CCDC30: variants seen among roughly 807,000 people sequenced by gnomAD.
CCDC30 encodes coiled-coil domain containing 30.
A neutral mutation model predicts 100.2 loss-of-function variants in CCDC30; 70 were observed. The ratio of observed to expected loss-of-function variants is 0.70; its 90% confidence interval spans 0.58 to 0.85. The LOEUF is 0.85. Ranked by LOEUF, CCDC30 falls within the 40% of genes least tolerant of loss-of-function variation. The pLI is 0.00. For missense variants in CCDC30, 652 were observed against 771.2 expected (o/e 0.85, Z 1.83); for synonymous variants, 233 against 269.5 (o/e 0.86, Z 1.33).
At chr1:42,513,589 AT>A (rs1027313635) in intron 6 of CCDC30, among the ~76,000 whole-genome samples, 3 of 152,112 alleles carry the variant, frequency 2.0e-5, no homozygotes, top group African/African-American at 7.2e-5. Flanking sequence ...TTGCTTGTCT[AT>A]GTCTGCAGCT....
chr1:42,642,649 G>C, intron 13 of CCDC30, 40 bp downstream of exon 17: 1 of 1,447,192 alleles, frequency 6.9e-7, no homozygotes, highest in Non-Finnish European at 9.2e-7. Flanking sequence ...AACTCCACAA[G>C]AGGATGTTTC....
intron 1 of CCDC30, among the ~76,000 whole-genome samples, chr1:42,471,323 C>T (rs2050449): frequency 5.3e-5 from 8 of 152,174 alleles, no homozygotes; most frequent in Admixed American, 3.9e-4. Context: ...GGGGATTATG[C>T]TGTTGGGCAA....
At chr1:42,477,011 CATGATTTAA>C (rs1288070204) in intron 1 of CCDC30, among the ~76,000 whole-genome samples, 1 of 150,276 alleles carries the variant, frequency 6.7e-6, no homozygotes, top group Admixed American at 6.6e-5. Flanking sequence ...ATTTTCTTCT[CATGATTTAA>C]AGTTAATATT....
chr1:42,513,887 G>A (rs1241409566), intron 6 of CCDC30, among the ~76,000 whole-genome samples: 1 of 152,196 alleles, frequency 6.6e-6, no homozygotes. Context: ...AGTCATGGCT[G>A]AAGGCAAAGA....
chr1:42,614,205 C>G (rs1440517626), intron 11 of CCDC30, among the ~76,000 whole-genome samples: 3 of 150,928 alleles, frequency 2.0e-5, no homozygotes, highest in Non-Finnish European at 4.4e-5. Context: ...CTCAGCCTCC[C>G]GAGTAGCTGG....
intron 6 of CCDC30, among the ~76,000 whole-genome samples, chr1:42,530,888 G>A (rs570510344): frequency 1.6e-4 from 24 of 152,186 alleles, no homozygotes; most frequent in African/African-American, 5.3e-4. Flanking sequence ...GGTACCATTG[G>A]GAGTTTCAGG....
chr1:42,559,259 C>T (rs553216901), intron 6 of CCDC30, among the ~76,000 whole-genome samples: 14 of 152,118 alleles, frequency 9.2e-5, no homozygotes, highest in Non-Finnish European at 1.6e-4. Context: ...AATCAAATAG[C>T]ATCATGATAA....
At chr1:42,625,479 G>GT (rs903151247) in intron 11 of CCDC30, among the ~76,000 whole-genome samples, 52 of 150,284 alleles carry the variant, frequency 3.5e-4, no homozygotes, top group East Asian at 1.6e-3. Context: ...TTATTTGCAG[G>GT]TTTTTTTTTA....
At chr1:42,525,452 A>G (rs1194023876) in intron 6 of CCDC30, among the ~76,000 whole-genome samples, 2 of 151,964 alleles carry the variant, frequency 1.3e-5, no homozygotes, top group Admixed American at 1.3e-4. Flanking sequence ...AGTGTTGAAA[A>G]TTTTATCTCT....
At chr1:42,627,012 T>C (rs1000418393) in intron 11 of CCDC30, among the ~76,000 whole-genome samples, 1 of 151,626 alleles carries the variant, frequency 6.6e-6, no homozygotes, top group East Asian at 1.9e-4. Flanking sequence ...CAGGCAGAGG[T>C]TGGAATAGTT....
chr1:42,477,466 G>A (rs1643896677), intron 1 of CCDC30, among the ~76,000 whole-genome samples: 1 of 152,132 alleles, frequency 6.6e-6, no homozygotes, highest in Admixed American at 6.6e-5. Flanking sequence ...TTGACCTTGT[G>A]ATCCACTCGC....
chr1:42,502,406 C>T (rs908883992), intron 6 of CCDC30, among the ~76,000 whole-genome samples: 7 of 152,228 alleles, frequency 4.6e-5, no homozygotes, highest in African/African-American at 9.6e-5. Flanking sequence ...AAAGGGAATT[C>T]CCTGACCCCT....
chr1:42,550,067 G>T (rs1645218253), intron 6 of CCDC30, among the ~76,000 whole-genome samples: 1 of 152,002 alleles, frequency 6.6e-6, no homozygotes, highest in Non-Finnish European at 1.5e-5. Context: ...TTCTTCCCCA[G>T]TCCAATCTGT....
At chr1:42,594,246 CGACT>C (rs1557428663) in intron 10 of CCDC30, 1 of 152,200 alleles carries the variant, frequency 6.6e-6, no homozygotes, top group Non-Finnish European at 1.5e-5. Context: ...TGGTGGCTCA[CGACT>C]GTGATCCCAA....
intron 9 of CCDC30, among the ~76,000 whole-genome samples, chr1:42,584,267 A>G (rs914729026): frequency 6.6e-6 from 1 of 152,182 alleles, no homozygotes; most frequent in South Asian, 2.1e-4. Flanking sequence ...TATTAAAAAT[A>G]TATTTGTTAA....
chr1:42,568,041 C>G (rs1056093870), intron 7 of CCDC30, among the ~76,000 whole-genome samples: 1 of 152,072 alleles, frequency 6.6e-6, no homozygotes, highest in African/African-American at 2.4e-5. Flanking sequence ...TCTTGATTAG[C>G]TCCTTTGGCC....
At chr1:42,457,486 C>T in the CCDC30 span, 1 of 724,986 alleles carries the variant, frequency 1.4e-6, no homozygotes, top group South Asian at 1.6e-5. Context: ...AGACACCGCC[C>T]TCCCTCATGG....
chr1:42,520,761 C>T (rs1466542126), intron 6 of CCDC30, among the ~76,000 whole-genome samples: 2 of 150,608 alleles, frequency 1.3e-5, no homozygotes, highest in African/African-American at 2.4e-5. Context: ...CTGCCTCAGC[C>T]TCCCGGGTAG....
chr1:42,510,265 A>T lies in CCDC30; in HGVS notation c.456+11349A>T, dbSNP rs913442295. On this transcript the variant is annotated intron_variant, in intron 6 of 16. Transcript: ENST00000668663. The stretch of plus-strand genomic sequence containing the variant: ...ATAGGAGACAGATTGCTCATCTCCA[A>T]ATTTCTCTGCTGTCTGCGGAGCTGC... 2.7e-5 allele frequency: 10 copies of T among 364,990 alleles called. No homozygotes were observed. In the Admixed American group the frequency reaches 5.2e-4, roughly 19 times the overall value. 22.6% of individuals were successfully genotyped at this position (364,990 alleles called of 1,614,324 possible). A position where few individuals can be genotyped will look rare whatever the true frequency, so the allele number is the denominator to read the frequency against.
Sources: gnomAD v4.1 joint callset for allele counts (sites outside exome capture counted in the v4.1 genomes callset) on GRCh38, gnomAD v4.1.1 for gene constraint, MANE v1.5 for transcripts, NCBI Gene and HGNC (gene_info 2026-07-23, HGNC 2026-07-21) for gene names.